The following GNAT3 variants were observed in gnomAD, a reference collection of about 807,000 sequenced individuals.
GNAT3 encodes guanine nucleotide-binding protein G(t) subunit alpha-3.
Under a neutral mutation model 37.7 loss-of-function variants are expected in GNAT3, and 31 were observed. That is an observed-to-expected ratio of 0.82 (90% confidence interval 0.62 to 1.11). The LOEUF is 1.11. GNAT3 is among the 50% of genes most tolerant of loss of function. The pLI, the probability that GNAT3 is intolerant of heterozygous loss-of-function variation, is 0.00. For synonymous variants in GNAT3, 138 were observed against 139.8 expected (o/e 0.99, Z 0.09); for missense variants, 437 against 412.5 (o/e 1.06, Z -0.51).
At chr7:80,499,444 G>A (rs1410698227) in intron 1 of GNAT3, among the ~76,000 whole-genome samples, 5 of 152,004 alleles carry the variant, frequency 3.3e-5, no homozygotes, top group South Asian at 2.1e-4. Context: ...GAGTGCAGTA[G>A]CATGATCATG....
At chr7:80,480,201 A>G (rs917941637) in intron 3 of GNAT3, among the ~76,000 whole-genome samples, 2 of 152,306 alleles carry the variant, frequency 1.3e-5, no homozygotes, top group Middle Eastern at 3.4e-3. Flanking sequence ...TCTAAAACTG[A>G]TATCTTTTTT....
chr7:80,508,895 GA>G (rs1310946547), intron 1 of GNAT3, among the ~76,000 whole-genome samples: 1 of 151,738 alleles, frequency 6.6e-6, no homozygotes, highest in Admixed American at 6.6e-5. Context: ...TCAACATACT[GA>G]AAAAAAATCT....
intron 1 of GNAT3, among the ~76,000 whole-genome samples, chr7:80,498,146 T>G (rs2116216355): frequency 6.6e-6 from 1 of 152,290 alleles, no homozygotes; most frequent in Admixed American, 6.5e-5. Flanking sequence ...TCAGTTAATG[T>G]ACATTCAGAA....
intron 1 of GNAT3, among the ~76,000 whole-genome samples, chr7:80,511,605 T>C (rs1375370137): frequency 6.6e-6 from 1 of 152,014 alleles, no homozygotes; most frequent in Non-Finnish European, 1.5e-5. Context: ...GCCTCCTTGC[T>C]TAACAAAAAG....
At position 80,478,999 on chromosome 7, in the gene GNAT3, C is replaced by T. The variant is rs1790348419; in HGVS notation, c.304-1G>A. On this transcript the variant is annotated splice_acceptor_variant, in intron 3 of 7. Coordinates refer to ENST00000398291, the MANE Select transcript of GNAT3 (RefSeq NM_001102386.3). LOFTEE classifies it high-confidence loss of function. ...TTGCATAAAGTTGTCGTTGGTCCTC[C>T]TAGAACAATATTTTGGTGAGAATAA... 4 of 1,587,386 alleles carry T rather than the reference C, an allele frequency of 2.5e-6. No homozygotes were observed. The South Asian group carries it at 3.4e-5, about 14-fold the overall frequency.
intron 1 of GNAT3, among the ~76,000 whole-genome samples, chr7:80,500,230 CTT>C (rs78207604): frequency 1.1e-4 from 16 of 144,082 alleles, no homozygotes; most frequent in Non-Finnish European, 1.1e-4. Flanking sequence ...AGTTTGCCTC[CTT>C]TTTTTTTTTT....
chr7:80,510,010 C>T (rs972757419), intron 1 of GNAT3, among the ~76,000 whole-genome samples: 1 of 152,064 alleles, frequency 6.6e-6, no homozygotes, highest in African/African-American at 2.4e-5. Flanking sequence ...TTACATTTTT[C>T]AAGAATACAA....
intron 1 of GNAT3, among the ~76,000 whole-genome samples, chr7:80,497,828 GTC>G (rs1293131624): frequency 6.6e-6 from 1 of 151,548 alleles, no homozygotes; most frequent in Non-Finnish European, 1.5e-5. Flanking sequence ...TGAGAAAAAA[GTC>G]TCATTTCTGA....
At chr7:80,471,401 T>A (rs1240598597) in intron 5 of GNAT3, among the ~76,000 whole-genome samples, 1 of 151,804 alleles carries the variant, frequency 6.6e-6, no homozygotes, top group African/African-American at 2.4e-5. Flanking sequence ...CACATACTCA[T>A]AATTTTCAAA....
intron 4 of GNAT3, among the ~76,000 whole-genome samples, chr7:80,475,814 G>A (rs1016911596): frequency 3.9e-5 from 6 of 151,996 alleles, no homozygotes; most frequent in East Asian, 1.9e-4. Flanking sequence ...AGGGATTTCG[G>A]CCGAGAGTAA....
intron 1 of GNAT3, among the ~76,000 whole-genome samples, chr7:80,503,957 A>G (rs1790882793): frequency 1.3e-5 from 2 of 152,224 alleles, no homozygotes; most frequent in African/African-American, 2.4e-5. Flanking sequence ...GGAAAGAAGA[A>G]GCAAGCTTCA....
chr7:80,473,744 C>A (rs559107132), intron 5 of GNAT3, among the ~76,000 whole-genome samples: 59 of 152,140 alleles, frequency 3.9e-4, no homozygotes, highest in Admixed American at 8.5e-4. Flanking sequence ...AATAATGATT[C>A]ATTTTCATAC....
At chr7:80,497,587 C>CATATACGTATATGT (rs1562732801) in intron 1 of GNAT3, among the ~76,000 whole-genome samples, 1 of 134,982 alleles carries the variant, frequency 7.4e-6, no homozygotes, top group Non-Finnish European at 1.6e-5. Context: ...TACGTATATA[C>CATATACGTATATGT]ATATACGTAT....
intron 4 of GNAT3, among the ~76,000 whole-genome samples, chr7:80,476,644 T>G (rs941525111): frequency 1.3e-5 from 2 of 151,812 alleles, no homozygotes; most frequent in African/African-American, 2.4e-5. Flanking sequence ...AGTATCTTAC[T>G]TTTACCAGAA....
At chr7:80,496,256 G>A (rs868673868) in intron 1 of GNAT3, among the ~76,000 whole-genome samples, 2 of 152,086 alleles carry the variant, frequency 1.3e-5, no homozygotes, top group Non-Finnish European at 2.9e-5. Context: ...TCAGCCTCCT[G>A]AGTAGCTGGG....
At chr7:80,502,487 A>G (rs930443948) in intron 1 of GNAT3, among the ~76,000 whole-genome samples, 5 of 152,092 alleles carry the variant, frequency 3.3e-5, no homozygotes, top group African/African-American at 1.2e-4. Context: ...GGGAATAGTC[A>G]TGTATACTAT....
Position 80,503,203 on chromosome 7 carries a change from C to A in GNAT3, c.119-8556G>T, listed in dbSNP as rs546383114. Among the ~76,000 whole-genome samples, 15 of 152,206 alleles carry A rather than the reference C, an allele frequency of 9.9e-5. No homozygotes were observed. The East Asian group carries it at 2.9e-3, about 29-fold the overall frequency. On this transcript the variant is annotated intron_variant, in intron 1 of 7. Transcript: ENST00000398291. ...GCTCATTTCTACATGCAAAGGTATA[C>A]CTGTGTTCTAGCCACCATGAACAAA...
At chr7:80,459,248 T>A (rs1218072369) in intron 7 of GNAT3, among the ~76,000 whole-genome samples, 4 of 152,130 alleles carry the variant, frequency 2.6e-5, no homozygotes, top group Non-Finnish European at 5.9e-5. Flanking sequence ...GAGATGGTAT[T>A]TGAGCTGGAC....
chr7:80,494,766 G>A, intron 1 of GNAT3, 119 bp from the exon 2 acceptor site: 1 of 624,760 alleles, frequency 1.6e-6, no homozygotes, highest in South Asian at 2.1e-5. Context: ...GGGTACAAGT[G>A]CAGTTTTGTT....
Sources: gnomAD v4.1 joint callset for allele counts (sites outside exome capture counted in the v4.1 genomes callset) on GRCh38, gnomAD v4.1.1 for gene constraint, MANE v1.5 for transcripts, NCBI Gene and HGNC (gene_info 2026-07-23, HGNC 2026-07-21) for gene names.